The following POU6F2 variants were observed in gnomAD, a reference collection of about 807,000 sequenced individuals.
POU6F2 encodes the protein POU class 6 homeobox 2, also known as POU domain, class 6, transcription factor 2.
POU6F2 carries 31 observed loss-of-function variants against 71.3 expected under a neutral mutation model. The ratio of observed to expected loss-of-function variants is 0.43; its 90% CI spans 0.33 to 0.59. The LOEUF is 0.59. Ranked by LOEUF, POU6F2 falls within the 20% of genes least tolerant of loss-of-function variation. The probability of loss-of-function intolerance (pLI) is 0.04; values close to 1 mark genes in which losing one functional copy is unlikely to be tolerated. For synonymous variants in POU6F2, 347 were observed against 355.7 expected (o/e 0.98, Z 0.27); for missense variants, 783 against 856.8 (o/e 0.91, Z 1.07).
Position 39,207,416 on chromosome 7 carries a change from G to A in POU6F2, c.394G>A (p.Ala132Thr). ...GCCACTTCTGACGGCACAGCAGTTA[G>A]CTTCTGCTGTGGCCGGCGTGATGCC... ...PQPLLTAQQL[A>T]SAVAGVMPGG... The change falls in exon 4 of 10, where the codon GCT becomes ACT. Residue 132 changes from alanine to threonine, a missense_variant. Physicochemically the swap from Ala to Thr is moderately conservative, Grantham distance 58 (BLOSUM62 0). Around this residue, in one of 2 missense-constraint regions of POU6F2, gnomAD observed 572 missense variants for 572.9 expected, o/e 1.00. Transcript: ENST00000518318. 6.2e-7 allele frequency: 1 copy of A among 1,613,952 alleles called. No homozygotes were observed. Among genetic ancestry groups the A allele is most frequent in the Non-Finnish European group, 8.5e-7 (1 of 1,179,838 alleles).
At chr7:39,053,195 A>C (rs1416226658) in intron 1 of POU6F2, among the ~76,000 whole-genome samples, 6 of 152,158 alleles carry the variant, frequency 3.9e-5, no homozygotes, top group African/African-American at 1.2e-4. Flanking sequence ...AAAATGAAGA[A>C]GGGAAATCCA....
chr7:39,280,974 A>G (rs1201018227), intron 4 of POU6F2, among the ~76,000 whole-genome samples: 1 of 152,150 alleles, frequency 6.6e-6, no homozygotes, highest in Non-Finnish European at 1.5e-5. Flanking sequence ...CTCCTAGAGT[A>G]GCACCAAAGG....
chr7:39,406,080 A>G (rs1787420085), intron 5 of POU6F2: 1 of 153,848 alleles, frequency 6.5e-6, no homozygotes, highest in South Asian at 2.0e-4. Context: ...CTCCCCTCAA[A>G]CAAGAAAGTG....
At chr7:39,126,844 C>A (rs569117437) in intron 2 of POU6F2, among the ~76,000 whole-genome samples, 2 of 152,160 alleles carry the variant, frequency 1.3e-5, no homozygotes, top group Admixed American at 6.5e-5. Flanking sequence ...TTATTGGAAT[C>A]AAATGTAAGT....
chr7:39,051,949 A>G lies in POU6F2; in HGVS notation c.106-33911A>G, dbSNP rs552899542. On this transcript the variant is annotated intron_variant, in intron 1 of 9. Coordinates refer to ENST00000518318, the MANE Select transcript of POU6F2 (RefSeq NM_001370959.1). ...GGCGTGTAAAGTAACTATACTTACC[A>G]TTTGTGTGGCGATTCACCTGTCACG... Among the ~76,000 whole-genome samples the G allele has an allele frequency of 8.5e-5, 13 of 152,210 alleles. No homozygotes were observed. In the East Asian group the frequency reaches 2.5e-3, roughly 30 times the overall value.
chr7:39,170,154 C>T (rs566546181), intron 2 of POU6F2, among the ~76,000 whole-genome samples: 9 of 152,100 alleles, frequency 5.9e-5, no homozygotes, highest in East Asian at 1.9e-4. Flanking sequence ...GGCAACAGAG[C>T]GAGATTCTGT....
chr7:39,451,383 A>C (rs7801100), intron 7 of POU6F2, 150 bp from the exon 8 acceptor site: 156,117 of 575,098 alleles, frequency 0.27, 28,826 homozygotes, highest in East Asian at 0.57. Context: ...AAAAAAAATG[A>C]CTGCCTGCTG....
chr7:39,185,544 T>G (rs763848046), intron 2 of POU6F2, among the ~76,000 whole-genome samples: 1 of 152,162 alleles, frequency 6.6e-6, no homozygotes, highest in Non-Finnish European at 1.5e-5. Context: ...TTCCCAAATA[T>G]CTTCTCTTGA....
chr7:39,227,920 C>T (rs1794502599), intron 4 of POU6F2, among the ~76,000 whole-genome samples: 1 of 152,092 alleles, frequency 6.6e-6, no homozygotes, highest in Non-Finnish European at 1.5e-5. Context: ...GAGACCACAG[C>T]TCTGTAAGAG....
intron 5 of POU6F2, among the ~76,000 whole-genome samples, chr7:39,385,059 A>C (rs1166682879): frequency 2.0e-5 from 3 of 152,230 alleles, no homozygotes; most frequent in Non-Finnish European, 2.9e-5. Flanking sequence ...TATAATCAAA[A>C]ACATATAATA....
intron 5 of POU6F2, among the ~76,000 whole-genome samples, chr7:39,350,245 T>G (rs1420951857): frequency 6.6e-6 from 1 of 152,074 alleles, no homozygotes; most frequent in Non-Finnish European, 1.5e-5. Context: ...TGCCAGAGAC[T>G]AGCTGCTCTT....
At chr7:39,091,935 A>G (rs886174628) in intron 2 of POU6F2, among the ~76,000 whole-genome samples, 22 of 152,210 alleles carry the variant, frequency 1.4e-4, no homozygotes, top group Non-Finnish European at 2.8e-4. Flanking sequence ...TTTGGGGATT[A>G]ATAATACATC....
chr7:39,045,341 C>A (rs556419506), intron 1 of POU6F2, among the ~76,000 whole-genome samples: 1 of 152,008 alleles, frequency 6.6e-6, no homozygotes, highest in African/African-American at 2.4e-5. Context: ...AACCCAGCTT[C>A]ATTCATTCCA....
intron 2 of POU6F2, among the ~76,000 whole-genome samples, chr7:39,199,708 TG>T (rs1433927599): frequency 6.6e-6 from 1 of 152,162 alleles, no homozygotes; most frequent in Admixed American, 6.5e-5. Flanking sequence ...CAGAGGGATC[TG>T]CAGGCACCCT....
At chr7:39,235,927 C>G (rs949686653) in intron 4 of POU6F2, among the ~76,000 whole-genome samples, 3 of 152,030 alleles carry the variant, frequency 2.0e-5, no homozygotes, top group Admixed American at 1.3e-4. Flanking sequence ...TTTGAAGGAG[C>G]CAGAAGATGA....
chr7:38,981,738 G>A (rs563898329), intron 1 of POU6F2, among the ~76,000 whole-genome samples: 1 of 152,220 alleles, frequency 6.6e-6, no homozygotes, highest in African/African-American at 2.4e-5. Context: ...TCCCTTACTG[G>A]TACAATGGGT....
chr7:39,426,529 G>T (rs1247421058), intron 6 of POU6F2, among the ~76,000 whole-genome samples: 2 of 152,064 alleles, frequency 1.3e-5, no homozygotes, highest in African/African-American at 4.8e-5. Context: ...AGGGTCAATG[G>T]CAGGCAGTGA....
At chr7:39,148,862 A>G (rs1374991196) in intron 2 of POU6F2, among the ~76,000 whole-genome samples, 1 of 152,234 alleles carries the variant, frequency 6.6e-6, no homozygotes, top group East Asian at 1.9e-4. Flanking sequence ...GGAGTTGTGT[A>G]GTGATCGCGA....
chr7:39,120,343 A>C (rs1792015246), intron 2 of POU6F2, among the ~76,000 whole-genome samples: 1 of 152,170 alleles, frequency 6.6e-6, no homozygotes, highest in African/African-American at 2.4e-5. Context: ...CTAAAATAAA[A>C]AATAATTATT....
Sources: gnomAD v4.1 joint callset for allele counts (sites outside exome capture counted in the v4.1 genomes callset) on GRCh38, gnomAD v4.1.1 for gene constraint, gnomAD v4.1.1 regional missense constraint, MANE v1.5 for transcripts, NCBI Gene and HGNC (gene_info 2026-07-23, HGNC 2026-07-21) for gene names.